ABR: variants seen among roughly 807,000 people sequenced by gnomAD.
The protein encoded by ABR is ABR activator of RhoGEF and GTPase.
Under a neutral mutation model 107.2 loss-of-function variants are expected in ABR, and 35 were observed. That is an observed-to-expected ratio of 0.33 (90% CI 0.25 to 0.43). ABR has a LOEUF of 0.43. ABR is among the 20% of genes least tolerant of loss of function. The pLI, the probability that ABR is intolerant of heterozygous loss-of-function variation, is 1.00. For missense variants in ABR, 815 were observed against 1,115.2 expected (o/e 0.73, Z 3.83); for synonymous variants, 498 against 462.0 (o/e 1.08, Z -1.00).
chr17:1,107,508 G>A (rs756787280), intron 2 of ABR, among the ~76,000 whole-genome samples: 9 of 152,244 alleles, frequency 5.9e-5, no homozygotes, highest in Non-Finnish European at 1.0e-4. Flanking sequence ...TGAGGCATAC[G>A]CCGGGGTCCA....
chr17:1,153,070 T>TA (rs145148122), intron 1 of ABR, among the ~76,000 whole-genome samples: 201 of 151,318 alleles, frequency 1.3e-3, no homozygotes, highest in African/African-American at 4.6e-3. Flanking sequence ...GAAACTCCGT[T>TA]AAAAAAAAAA....
At chr17:1,213,608 G>A (rs1302128256) in intron 1 of ABR, among the ~76,000 whole-genome samples, 6 of 152,084 alleles carry the variant, frequency 3.9e-5, no homozygotes, top group Admixed American at 3.9e-4. Context: ...GGTCAGGCTG[G>A]TCTCAAACTC....
At position 1,032,632 on chromosome 17, in the gene ABR, C is replaced by T. The variant is rs892491903; in HGVS notation, c.1791+17418G>A. ...TCCGTGCTGGGCGCAGAGGACGCCACGGGCAACCACCCGTGTCCGTGCTGG... is the reference window on the plus strand; with the variant it reads ...TCCGTGCTGGGCGCAGAGGACGCCATGGGCAACCACCCGTGTCCGTGCTGG... On this transcript the variant is annotated intron_variant, in intron 16 of 22. Coordinates refer to ENST00000302538, the MANE Select transcript of ABR (RefSeq NM_021962.5). Among the ~76,000 whole-genome samples the T allele has an allele frequency of 8.2e-5, 7 of 84,886 alleles. No homozygotes were observed. In the East Asian group the frequency reaches 1.2e-3, roughly 15 times the overall value. The allele number at this position is 84,886 out of a possible 152,430, so 55.7% of individuals were successfully genotyped here. A position where few individuals can be genotyped will look rare whatever the true frequency, so the allele number is the denominator to read the frequency against.
chr17:1,093,973 A>T (rs1157711186), intron 3 of ABR, among the ~76,000 whole-genome samples: 2 of 150,736 alleles, frequency 1.3e-5, no homozygotes, highest in African/African-American at 2.4e-5. Flanking sequence ...CGCGCTAGAA[A>T]CAACGGCCCC....
At chr17:1,031,454 C>G (rs1221144819) in intron 16 of ABR, 2 of 551,270 alleles carry the variant, frequency 3.6e-6, no homozygotes, top group Non-Finnish European at 5.4e-6. Flanking sequence ...CTTAGAGGGA[C>G]GCGCACAGAC....
At chr17:1,083,465 G>C (rs955344260) in intron 5 of ABR, 55 bp downstream of exon 5, 7 of 1,359,454 alleles carry the variant, frequency 5.1e-6, no homozygotes, top group Non-Finnish European at 7.2e-6. Context: ...CAAGGGCTCT[G>C]AGCAGCCCCC....
intron 2 of ABR, among the ~76,000 whole-genome samples, chr17:1,117,872 C>A (rs2039102417): frequency 4.0e-5 from 4 of 100,478 alleles, no homozygotes; most frequent in Admixed American, 1.1e-4. Flanking sequence ...AGCCTGAGTC[C>A]CTCCCAGCGT....
chr17:1,203,385 A>AG (rs1310396989), intron 1 of ABR, among the ~76,000 whole-genome samples: 2 of 13,116 alleles, frequency 1.5e-4, no homozygotes, highest in Non-Finnish European at 3.0e-4. Context: ...CGGGGCCTTG[A>AG]GGGGGCGGGG....
intron 1 of ABR, among the ~76,000 whole-genome samples, chr17:1,145,884 C>T (rs997533320): frequency 6.6e-6 from 1 of 152,228 alleles, no homozygotes; most frequent in African/African-American, 2.4e-5. Flanking sequence ...GCAGAAGCAG[C>T]CGCACCTCTG....
intron 16 of ABR, among the ~76,000 whole-genome samples, chr17:1,032,156 G>A (rs1021445283): frequency 2.0e-5 from 3 of 152,050 alleles, no homozygotes; most frequent in Non-Finnish European, 4.4e-5. Context: ...GGGGCCAAGC[G>A]GAGGGGCCGG....
chr17:1,126,400 G>A (rs1473526150), intron 1 of ABR: 3 of 152,430 alleles, frequency 2.0e-5, no homozygotes, highest in African/African-American at 7.2e-5. Context: ...GACCTCCTTG[G>A]GCTGGGGCCG....
Position 1,161,458 on chromosome 17 carries a change from C to G in ABR, c.61+18209G>C, listed in dbSNP as rs891929757. Among the ~76,000 whole-genome samples the G allele has an allele frequency of 2.6e-5, 4 of 151,880 alleles. No individual in the cohort carries two copies. In the South Asian group the frequency reaches 8.3e-4, roughly 32 times the overall value. ...ACAGGGTCTTGATATGTTGCCCGGA[C>G]TGGTCTTGAACTCTTAGTCTCGAGC... On this transcript the variant is annotated intron_variant, in intron 1 of 22. Transcript: ENST00000302538.
chr17:1,157,063 A>C lies in ABR; in HGVS notation c.61+22604T>G, dbSNP rs570976537. Reference sequence around the variant, plus strand: ...ATAAGTTAACTCACCGCAGCCTCACACCGCGCCAGGAGGCAGGCACTAATA... The same window carrying C: ...ATAAGTTAACTCACCGCAGCCTCACCCCGCGCCAGGAGGCAGGCACTAATA... On this transcript the variant is annotated intron_variant, in intron 1 of 22. Transcript: ENST00000302538. This position sits in a 1 kb window ranked among gnomAD's most constrained non-coding sequence, Gnocchi z 4.7. Among the ~76,000 whole-genome samples, 1 of 152,266 alleles carries C rather than the reference A, an allele frequency of 6.6e-6. No homozygotes were observed. The highest frequency in any genetic ancestry group is 1.9e-4 in the East Asian group (1 of 5,176).
chr17:1,191,846 G>A (rs4417598), upstream of ABR, among the ~76,000 whole-genome samples: 90,749 of 151,980 alleles, frequency 0.6, 29,324 homozygotes, highest in Middle Eastern at 0.76. Flanking sequence ...CGTGCCACAC[G>A]ACCGCTCCAG....
exon 1 of ABR, among the ~76,000 whole-genome samples, chr17:1,229,569 G>C (rs566714770): frequency 2.9e-3 from 448 of 152,080 alleles, no homozygotes; most frequent in African/African-American, 9.3e-3. Flanking sequence ...CCTCGGGACC[G>C]GCGCCTCCGC....
intron 16 of ABR, among the ~76,000 whole-genome samples, chr17:1,047,809 C>T (rs1872604892): frequency 6.6e-6 from 1 of 152,082 alleles, no homozygotes; most frequent in African/African-American, 2.4e-5. Context: ...TGGTGTGTTT[C>T]CCCCGGGGCT....
intron 17 of ABR, 114 bp from the exon 18 acceptor site, chr17:1,012,911 A>T: frequency 9.2e-7 from 1 of 1,084,050 alleles, no homozygotes; most frequent in Non-Finnish European, 1.4e-6. Flanking sequence ...GCTCACACCC[A>T]GGTCTCCCTC....
chr17:1,083,856 G>A, intron 4 of ABR: 1 of 512,360 alleles, frequency 2.0e-6, no homozygotes, highest in Non-Finnish European at 3.5e-6. Context: ...GGGGGTCTGG[G>A]GTTGGGGAGA....
intron 1 of ABR, among the ~76,000 whole-genome samples, chr17:1,173,663 C>T (rs569245120): frequency 6.6e-6 from 1 of 152,232 alleles, no homozygotes; most frequent in African/African-American, 2.4e-5. Flanking sequence ...GGGGTTTCTG[C>T]TGCGGGGAGG....
Sources: allele counts gnomAD v4.1 joint callset (sites outside exome capture counted in the v4.1 genomes callset), GRCh38; gene constraint gnomAD v4.1.1; non-coding constraint Gnocchi (gnomAD v3.1); transcripts MANE v1.5; gene names NCBI Gene and HGNC (gene_info 2026-07-23, HGNC 2026-07-21).